The following WAC variants were observed in gnomAD, a reference collection of about 807,000 sequenced individuals.
WAC encodes the protein WW domain-containing adapter protein with coiled-coil.
A neutral mutation model predicts 79.6 loss-of-function variants in WAC; 11 were observed. The ratio of observed to expected loss-of-function variants is 0.14; its 90% CI spans 0.09 to 0.23. The LOEUF (loss-of-function observed/expected upper bound fraction) is 0.23, where lower values mean the gene tolerates loss of function less well. WAC is among the 10% of genes least tolerant of loss of function. WAC has a pLI of 1.00. For synonymous variants in WAC, 304 were observed against 276.9 expected, an observed-to-expected ratio of 1.10 and a Z score of -0.97; for missense variants, 728 against 773.5, an observed-to-expected ratio of 0.94 and a Z score of 0.70.
chr10:28,575,824 G>C (rs955392165), intron 3 of WAC, among the ~76,000 whole-genome samples: 1 of 152,044 alleles, frequency 6.6e-6, no homozygotes, highest in African/African-American at 2.4e-5. Context: ...TGCACGTGCC[G>C]CCTCCCATTT....
At chr10:28,592,526 C>G (rs780685281) in intron 6 of WAC, among the ~76,000 whole-genome samples, 1 of 152,076 alleles carries the variant, frequency 6.6e-6, no homozygotes, top group Non-Finnish European at 1.5e-5. Flanking sequence ...AAGGCTGAGA[C>G]AGGATAATCG....
intron 3 of WAC, among the ~76,000 whole-genome samples, chr10:28,558,725 CAAT>C (rs1838134217): frequency 6.6e-6 from 1 of 152,090 alleles, no homozygotes; most frequent in African/African-American, 2.4e-5. Flanking sequence ...TACAGTGAAT[CAAT>C]AAAGTCTGGT....
intron 3 of WAC, among the ~76,000 whole-genome samples, chr10:28,548,345 A>T (rs993456227): frequency 6.6e-6 from 1 of 151,836 alleles, no homozygotes; most frequent in Non-Finnish European, 1.5e-5. Context: ...ACTTGTTTCT[A>T]ACTTTTCTCC....
chr10:28,559,992 A>T (rs539340913), intron 3 of WAC, among the ~76,000 whole-genome samples: 37 of 152,308 alleles, frequency 2.4e-4, no homozygotes, highest in African/African-American at 8.2e-4. Flanking sequence ...CAATAGATGT[A>T]ATGTGATTCT....
rs779598690 is a variant in WAC, at chr10:28,533,614, G to A, written c.35G>A (p.Ser12Asn). 15 of 1,600,478 alleles carry A rather than the reference G, an allele frequency of 9.4e-6. No individual in the cohort carries two copies. Among genetic ancestry groups the A allele is most frequent in the South Asian group, 2.2e-5 (2 of 90,192 alleles). The part of the protein sequence containing the change: ...VMYARKQQRL[S>N]DGCHDRRGDS... ...TATGCGAGGAAACAGCAGAGACTCA[G>A]TGATGGGTAAATTGTCTTTTCGTTT... Residue 12 changes from serine to asparagine, a missense_variant, in exon 1 of 14, where the codon AGT (serine) becomes AAT (asparagine). Physicochemically the swap from Ser to Asn is conservative, Grantham distance 46. Around this residue, in one of 3 missense-constraint regions of WAC, gnomAD observed 648 missense variants for 661.5 expected, o/e 0.98. Transcript: ENST00000354911.
intron 3 of WAC, among the ~76,000 whole-genome samples, chr10:28,575,824 G>A (rs955392165): frequency 3.9e-5 from 6 of 152,044 alleles, no homozygotes; most frequent in African/African-American, 7.2e-5. Flanking sequence ...TGCACGTGCC[G>A]CCTCCCATTT....
intron 10 of WAC, 26 bp downstream of exon 10, chr10:28,611,948 G>A (rs1294702896): frequency 6.3e-7 from 1 of 1,598,540 alleles, no homozygotes; most frequent in Non-Finnish European, 8.5e-7. Flanking sequence ...GGGACATTCG[G>A]AAAAGAAACT....
At chr10:28,549,259 T>C (rs189491524) in intron 3 of WAC, among the ~76,000 whole-genome samples, 2 of 152,342 alleles carry the variant, frequency 1.3e-5, no homozygotes, top group Admixed American at 1.3e-4. Flanking sequence ...AATCTCATGC[T>C]TGAGCCGTGA....
At chr10:28,617,892 G>A (rs1314523630) in intron 13 of WAC, 108 bp downstream of exon 13, 10 of 1,253,490 alleles carry the variant, frequency 8.0e-6, no homozygotes, top group South Asian at 5.0e-5. Context: ...AGTTCTCTTC[G>A]ATACATTGAT....
At chr10:28,602,081 A>G (rs1840673443) in intron 7 of WAC, among the ~76,000 whole-genome samples, 1 of 151,938 alleles carries the variant, frequency 6.6e-6, no homozygotes, top group African/African-American at 2.4e-5. Context: ...ATGCAAGAGA[A>G]AGATTGCCAG....
intron 3 of WAC, among the ~76,000 whole-genome samples, chr10:28,568,835 G>T (rs1838792761): frequency 6.6e-6 from 1 of 152,104 alleles, no homozygotes; most frequent in South Asian, 2.1e-4. Flanking sequence ...GCCTCCCAAA[G>T]TGCTGGGATT....
intron 9 of WAC, 126 bp downstream of exon 9, chr10:28,610,947 A>G (rs542245842): frequency 5.3e-6 from 6 of 1,141,758 alleles, no homozygotes; most frequent in African/African-American, 3.2e-5. Flanking sequence ...ATTAGCTACA[A>G]TAATTTTGTT....
chr10:28,597,061 T>C (rs772442320), intron 7 of WAC, among the ~76,000 whole-genome samples: 1 of 152,132 alleles, frequency 6.6e-6, no homozygotes, highest in Non-Finnish European at 1.5e-5. Flanking sequence ...TATTACATGT[T>C]ATATGCATGT....
intron 13 of WAC, among the ~76,000 whole-genome samples, chr10:28,619,155 T>G (rs1324655096): frequency 6.6e-6 from 1 of 152,270 alleles, no homozygotes; most frequent in Admixed American, 6.5e-5. Context: ...GACAGGTGCC[T>G]GTAATCCCAG....
At chr10:28,571,600 C>T (rs1235767871) in intron 3 of WAC, among the ~76,000 whole-genome samples, 1 of 152,204 alleles carries the variant, frequency 6.6e-6, no homozygotes, top group Non-Finnish European at 1.5e-5. Context: ...GCTTGCCTTA[C>T]TTTACTATCT....
intron 3 of WAC, among the ~76,000 whole-genome samples, chr10:28,572,291 C>G (rs143644798): frequency 3.4e-5 from 5 of 147,500 alleles, no homozygotes; most frequent in South Asian, 2.2e-4. Flanking sequence ...GAGCCGAGAT[C>G]GCACCACTGC....
intron 3 of WAC, among the ~76,000 whole-genome samples, chr10:28,561,832 G>A (rs751145360): frequency 1.3e-5 from 2 of 152,122 alleles, no homozygotes; most frequent in Non-Finnish European, 2.9e-5. Flanking sequence ...CTGTGCATGC[G>A]AGGAATCTAG....
At chr10:28,610,180 G>A (rs1488842580) in intron 8 of WAC, among the ~76,000 whole-genome samples, 1 of 152,052 alleles carries the variant, frequency 6.6e-6, no homozygotes, top group East Asian at 1.9e-4. Flanking sequence ...CGATCCACCT[G>A]CCTCAGCCTC....
chr10:28,603,989 GTATATATATATA>G (rs1479559809), intron 7 of WAC, among the ~76,000 whole-genome samples: 1 of 26,414 alleles, frequency 3.8e-5, no homozygotes, highest in African/African-American at 1.8e-4. Flanking sequence ...ATATATATAT[GTATATATATATA>G]TATTTCTATA....
Sources: allele counts gnomAD v4.1 joint callset (sites outside exome capture counted in the v4.1 genomes callset), GRCh38; gene constraint gnomAD v4.1.1; regional missense constraint gnomAD v4.1.1; transcripts MANE v1.5; gene names NCBI Gene and HGNC (gene_info 2026-07-23, HGNC 2026-07-21).